Variants in CTSB observed in about 807,000 individuals in gnomAD.
CTSB encodes the protein cathepsin B, also known as APP secretase.
Under a neutral mutation model 44.3 loss-of-function variants are expected in CTSB, and 57 were observed. That is an observed-to-expected ratio of 1.29 (90% confidence interval 1.04 to 1.60). The LOEUF (loss-of-function observed/expected upper bound fraction) is 1.60. CTSB is among the 40% of genes most tolerant of loss of function. CTSB has a pLI of 0.00. For missense variants in CTSB, 768 were observed against 443.0 expected, an observed-to-expected ratio of 1.73 and a Z score of -6.59; for synonymous variants, 320 against 168.0, an observed-to-expected ratio of 1.91 and a Z score of -7.00.
intron 1 of CTSB, chr8:11,864,582 G>A (rs1816856896): frequency 6.6e-6 from 1 of 152,152 alleles, no homozygotes; most frequent in Admixed American, 6.6e-5. Flanking sequence ...AATGGCCCTT[G>A]GAAGGATCAG....
chr8:11,845,628 A>T, intron 9 of CTSB, 33 bp downstream of exon 9: 1 of 1,603,410 alleles, frequency 6.2e-7, no homozygotes, highest in South Asian at 1.1e-5. Flanking sequence ...CTCACAATTC[A>T]CTGTTCTTGG....
intron 4 of CTSB, 87 bp downstream of exon 4, chr8:11,850,779 G>C (rs1814441768): frequency 2.3e-6 from 2 of 883,508 alleles, no homozygotes; most frequent in Non-Finnish European, 3.5e-6. Flanking sequence ...CCTTGTCAGA[G>C]TTGTCCCCAC....
chr8:11,858,675 CAA>C (rs778235971), intron 1 of CTSB, among the ~76,000 whole-genome samples: 1 of 152,166 alleles, frequency 6.6e-6, no homozygotes, highest in South Asian at 2.1e-4. Flanking sequence ...GCTGAGAACT[CAA>C]AAAGTGTCAA....
rs1813507567 is a variant in CTSB, at chr8:11,847,059, G to A, written c.786C>T (p.Tyr262=). The A allele has an allele frequency of 6.4e-7, 1 of 1,567,840 alleles. No individual in the cohort carries two copies. The highest frequency in any genetic ancestry group is 8.8e-7 in the Non-Finnish European group (1 of 1,138,922). Residue 262 remains tyrosine (Y), a synonymous_variant, in exon 8 of 10, where the codon TAC becomes TAT. Transcript: ENST00000353047. ...AFSVYSDFLL[Y]KSGVYQHVTG... The stretch of plus-strand genomic sequence containing the variant: ...TCAGCCATCAGCACGCACCTGACTT[G>A]TAGAGCAGGAAGTCCGAATACACAG...
chr8:11,859,131 G>T lies in CTSB; in HGVS notation c.-25-5652C>A, dbSNP rs6981167. Among the ~76,000 whole-genome samples the T allele has an allele frequency of 6.1e-3, 934 of 151,926 alleles. 13 individuals carry two copies. Among genetic ancestry groups the T allele is most frequent in the African/African-American group, 0.022 (894 of 41,388 alleles). On this transcript the variant is annotated intron_variant, in intron 1 of 9. Transcript: ENST00000353047. ...TGCCCCTTTTCCAAGCTAATCTTTG[G>T]GTTAAAAAAAACAGAAAAGGGTGCT...
chr8:11,853,677 G>A (rs554913303), intron 1 of CTSB, 198 bp from the exon 2 acceptor site: 280 of 514,668 alleles, frequency 5.4e-4, no homozygotes, highest in African/African-American at 4.7e-3. Context: ...GTGGGTCCCC[G>A]GGGGCCAGGC....
At chr8:11,858,546 T>A (rs1815893631) in intron 1 of CTSB, among the ~76,000 whole-genome samples, 1 of 152,222 alleles carries the variant, frequency 6.6e-6, no homozygotes, top group Non-Finnish European at 1.5e-5. Context: ...CGCCTTGGCC[T>A]CCCAAAGTGT....
At chr8:11,856,985 A>G (rs1015234329) in intron 1 of CTSB, among the ~76,000 whole-genome samples, 12 of 152,196 alleles carry the variant, frequency 7.9e-5, no homozygotes, top group African/African-American at 2.7e-4. Context: ...GATTCCTCAG[A>G]GCATTTCCAA....
intron 4 of CTSB, 141 bp downstream of exon 4, chr8:11,850,725 T>G: frequency 1.7e-6 from 1 of 572,680 alleles, no homozygotes; most frequent in East Asian, 2.9e-5. Flanking sequence ...GATTGTGATT[T>G]TTGTACTGAT....
At chr8:11,862,115 G>C (rs909585193) in intron 1 of CTSB, among the ~76,000 whole-genome samples, 2 of 151,848 alleles carry the variant, frequency 1.3e-5, no homozygotes, top group Non-Finnish European at 2.9e-5. Flanking sequence ...GCTGAGGCAG[G>C]AGAATGGCGT....
intron 1 of CTSB, chr8:11,857,961 G>C (rs1424410239): frequency 6.6e-6 from 1 of 152,318 alleles, no homozygotes; most frequent in African/African-American, 2.4e-5. Context: ...ACGATAAAAT[G>C]AGCCCTGCAC....
At chr8:11,858,517 T>G (rs1355519168) in intron 1 of CTSB, among the ~76,000 whole-genome samples, 3 of 152,214 alleles carry the variant, frequency 2.0e-5, no homozygotes, top group East Asian at 3.8e-4. Context: ...CTCAAACTCC[T>G]GGACTCAAGT....
chr8:11,854,243 G>C (rs559729481), intron 1 of CTSB, among the ~76,000 whole-genome samples: 1 of 152,118 alleles, frequency 6.6e-6, no homozygotes, highest in Non-Finnish European at 1.5e-5. Context: ...GCCGCGGCGC[G>C]GGGAGCTGGG....
intron 4 of CTSB, among the ~76,000 whole-genome samples, chr8:11,850,462 G>C (rs1483926747): frequency 1.4e-5 from 2 of 138,220 alleles, no homozygotes; most frequent in Non-Finnish European, 3.2e-5. Flanking sequence ...GAAAACAAAA[G>C]AAGATTGCTA....
rs779605179 is a variant in CTSB, at chr8:11,847,718, G to A, written c.637C>T (p.Pro213Ser). Residue 213 changes from proline to serine, a missense_variant, in exon 7 of 10, where the codon CCT (proline) becomes TCT (serine). Transcript: ENST00000353047. ...DTPKCSKICE[P>S]GYSPTYKQDK... is the part of the protein sequence containing the mutation. ...TGTTTGTAGGTCGGGCTGTAGCCAG[G>A]CTCACAGATCTTGCTACACTTGGGG... 6.3e-6 allele frequency: 10 copies of A among 1,593,970 alleles called. No individual in the cohort carries two copies. In the African/African-American group the frequency reaches 1.1e-4, roughly 17 times the overall value.
At position 11,859,382 on chromosome 8, in the gene CTSB, G is replaced by A. The variant is rs1271677319; in HGVS notation, c.-25-5903C>T. ...GAAGGAGGTGGAATGAAAGTCAAAG[G>A]AGAGGAGGTGCGGCTAAGTCACAGG... On this transcript the variant is annotated intron_variant, in intron 1 of 9. Transcript: ENST00000353047. Among the ~76,000 whole-genome samples, 4 of 152,154 alleles carry A rather than the reference G, an allele frequency of 2.6e-5. No homozygotes were observed. In the South Asian group the frequency reaches 6.2e-4, roughly 24 times the overall value.
At chr8:11,862,536 G>C (rs1410089597) in intron 1 of CTSB, 1 of 152,238 alleles carries the variant, frequency 6.6e-6, no homozygotes, top group African/African-American at 2.4e-5. Context: ...CTTAAAAGTT[G>C]ATTTGTTCTG....
At chr8:11,866,517 G>A (rs964716879) in intron 1 of CTSB, among the ~76,000 whole-genome samples, 1 of 152,244 alleles carries the variant, frequency 6.6e-6, no homozygotes, top group African/African-American at 2.4e-5. Flanking sequence ...AAGCTACACA[G>A]GGTGGGCGGC....
At chr8:11,861,169 T>C (rs144344408) in intron 1 of CTSB, among the ~76,000 whole-genome samples, 1 of 152,234 alleles carries the variant, frequency 6.6e-6, no homozygotes, top group Non-Finnish European at 1.5e-5. Flanking sequence ...ATCAGTCCCC[T>C]GATGAACGGG....
Sources: gnomAD v4.1 joint callset for allele counts (sites outside exome capture counted in the v4.1 genomes callset) on GRCh38, gnomAD v4.1.1 for gene constraint, MANE v1.5 for transcripts, NCBI Gene and HGNC (gene_info 2026-07-23, HGNC 2026-07-21) for gene names.